Variants in MIPEP observed in about 807,000 individuals in gnomAD.
The protein encoded by MIPEP is mitochondrial intermediate peptidase.
Under a neutral mutation model 90.3 loss-of-function variants are expected in MIPEP, and 79 were observed. That is an observed-to-expected ratio of 0.87 (90% confidence interval 0.73 to 1.05). The LOEUF (loss-of-function observed/expected upper bound fraction) is 1.05, where lower values mean the gene tolerates loss of function less well. Among genes scored for constraint, MIPEP ranks in the 50% least tolerant of loss-of-function variants. MIPEP has a pLI of 0.00. For missense variants in MIPEP, 940 were observed against 905.6 expected (o/e 1.04, Z -0.49); for synonymous variants, 334 against 315.8 (o/e 1.06, Z -0.61).
intron 16 of MIPEP, among the ~76,000 whole-genome samples, chr13:23,781,384 C>G: frequency 6.6e-6 from 1 of 152,156 alleles, no homozygotes; most frequent in African/African-American, 2.4e-5. Context: ...AAATAAAATA[C>G]TTTACAGACA....
intron 14 of MIPEP, among the ~76,000 whole-genome samples, chr13:23,831,045 CA>C (rs966892496): frequency 6.6e-6 from 1 of 151,982 alleles, no homozygotes; most frequent in African/African-American, 2.4e-5. Flanking sequence ...TACTGTGAAG[CA>C]GGGGAAAGGG....
At chr13:23,882,203 G>C (rs1345389028) in intron 2 of MIPEP, among the ~76,000 whole-genome samples, 1 of 151,902 alleles carries the variant, frequency 6.6e-6, no homozygotes, top group Non-Finnish European at 1.5e-5. Flanking sequence ...CCACGTAGCT[G>C]TGACTACAGG....
intron 17 of MIPEP, among the ~76,000 whole-genome samples, chr13:23,757,353 C>T (rs1440374343): frequency 1.3e-5 from 2 of 152,158 alleles, no homozygotes; most frequent in Non-Finnish European, 2.9e-5. Flanking sequence ...TTCACTTGCT[C>T]ACCCACCCAC....
chr13:23,750,765 A>G (rs1005537155), intron 18 of MIPEP, among the ~76,000 whole-genome samples: 4 of 152,198 alleles, frequency 2.6e-5, no homozygotes, highest in African/African-American at 9.7e-5. Flanking sequence ...TATTCTATTC[A>G]TTTAATCATT....
chr13:23,888,551 C>G (rs1184833635), intron 1 of MIPEP: 1 of 272,798 alleles, frequency 3.7e-6, no homozygotes, highest in Non-Finnish European at 5.6e-6. Flanking sequence ...TCAAAGTGAC[C>G]AATTCCATGG....
intron 16 of MIPEP, among the ~76,000 whole-genome samples, chr13:23,780,163 G>T (rs1050397195): frequency 6.6e-6 from 1 of 152,210 alleles, no homozygotes; most frequent in East Asian, 1.9e-4. Flanking sequence ...CTCCTCAAGT[G>T]GGTCCCTGAC....
At chr13:23,875,117 A>G (rs1871013845) in intron 4 of MIPEP, among the ~76,000 whole-genome samples, 1 of 151,892 alleles carries the variant, frequency 6.6e-6, no homozygotes, top group Non-Finnish European at 1.5e-5. Flanking sequence ...AACATCAGGC[A>G]AAACACCTAT....
intron 7 of MIPEP, among the ~76,000 whole-genome samples, chr13:23,868,872 T>C (rs1224508517): frequency 6.6e-6 from 1 of 152,154 alleles, no homozygotes; most frequent in African/African-American, 2.4e-5. Context: ...GCAGTACTCT[T>C]CTCTCTGAAA....
At chr13:23,820,971 C>T (rs1593173043) in intron 14 of MIPEP, among the ~76,000 whole-genome samples, 1 of 152,312 alleles carries the variant, frequency 6.6e-6, no homozygotes, top group East Asian at 1.9e-4. Context: ...AGCCAGCATC[C>T]AACACTGCCT....
intron 18 of MIPEP, among the ~76,000 whole-genome samples, chr13:23,732,321 G>A (rs943399965): frequency 6.6e-6 from 1 of 152,082 alleles, no homozygotes; most frequent in Non-Finnish European, 1.5e-5. Flanking sequence ...AACCTGAATT[G>A]TCATACATTT....
At chr13:23,859,598 A>G (rs1870200556) in intron 9 of MIPEP, among the ~76,000 whole-genome samples, 1 of 152,180 alleles carries the variant, frequency 6.6e-6, no homozygotes, top group South Asian at 2.1e-4. Context: ...ACCAGACTAT[A>G]AACTGCATGA....
At chr13:23,813,702 C>G (rs1953201572) in intron 14 of MIPEP, among the ~76,000 whole-genome samples, 1 of 151,928 alleles carries the variant, frequency 6.6e-6, no homozygotes, top group Non-Finnish European at 1.5e-5. Context: ...GCTCAAAGAT[C>G]CTCCCACCTC....
At position 23,889,384 on chromosome 13, in the gene MIPEP, G is replaced by T. The variant is rs1487649679; in HGVS notation, c.-64C>A. The T allele has an allele frequency of 5.7e-6, 7 of 1,226,904 alleles. No homozygotes were observed. Among genetic ancestry groups the T allele is most frequent in the Admixed American group, 4.2e-5 (1 of 23,748 alleles). 76.0% of individuals were successfully genotyped at this position (1,226,904 alleles called of 1,614,324 possible). ...CTGCCCTGCTGCTTTCGCTGGGAGC[G>T]CGCGCTCCGCGTTTCCAAGGCAGCA... On this transcript the variant is annotated 5_prime_UTR_variant, in exon 1 of 19. Transcript: ENST00000382172.
At chr13:23,863,073 A>G (rs1284288350) in intron 8 of MIPEP, among the ~76,000 whole-genome samples, 1 of 152,244 alleles carries the variant, frequency 6.6e-6, no homozygotes, top group Non-Finnish European at 1.5e-5. Context: ...AATGAGTTCT[A>G]AGGCATGAGT....
At chr13:23,843,566 A>G (rs1166222020) in intron 10 of MIPEP, among the ~76,000 whole-genome samples, 1 of 152,250 alleles carries the variant, frequency 6.6e-6, no homozygotes, top group Non-Finnish European at 1.5e-5. Context: ...AGAATTTCTA[A>G]TATTTTATGA....
chr13:23,806,774 A>G (rs753550555), intron 15 of MIPEP, among the ~76,000 whole-genome samples: 15 of 149,950 alleles, frequency 1.0e-4, no homozygotes, highest in Non-Finnish European at 2.1e-4. Context: ...CTGTAGGCAG[A>G]AATATACAAA....
At chr13:23,841,281 T>C (rs1466094575) in intron 11 of MIPEP, 54 bp downstream of exon 11, 1 of 1,529,004 alleles carries the variant, frequency 6.5e-7, no homozygotes. Context: ...TTGACTCAAC[T>C]GCCCAACCGA....
rs74365091 is a variant in MIPEP at position 23,735,055 on chromosome 13, A to C, written c.2045-4610T>G. Among the ~76,000 whole-genome samples the C allele has an allele frequency of 7.0e-3, 1,068 of 152,300 alleles. 19 individuals carry two copies. Among genetic ancestry groups the C allele is most frequent in the African/African-American group, 0.025 (1,030 of 41,562 alleles). On this transcript the variant is annotated intron_variant, in intron 18 of 18. Coordinates refer to ENST00000382172, the MANE Select transcript of MIPEP (RefSeq NM_005932.4). ...ATTCCTGGATACATGGACACCCCGA[A>C]GTATCCCCACCTGTGTAGAAGATCA...
chr13:23,889,357 C>T lies in MIPEP; in HGVS notation c.-37G>A. ...AGCAGTCCCTTCCTCCAACGCAGAT[C>T]CCTGCCCTGCTGCTTTCGCTGGGAG... On this transcript the variant is annotated 5_prime_UTR_variant, in exon 1 of 19. Transcript: ENST00000382172. The T allele has an allele frequency of 7.9e-7, 1 of 1,261,092 alleles. No individual in the cohort carries two copies. Among genetic ancestry groups the T allele is most frequent in the South Asian group, 3.1e-5 (1 of 32,588 alleles). The allele number at this position is 1,261,092 out of a possible 1,614,324, so 78.1% of individuals were successfully genotyped here.
Sources: gnomAD v4.1 joint callset for allele counts (sites outside exome capture counted in the v4.1 genomes callset) on GRCh38, gnomAD v4.1.1 for gene constraint, MANE v1.5 for transcripts, NCBI Gene and HGNC (gene_info 2026-07-23, HGNC 2026-07-21) for gene names.